CD99L2: variants seen among roughly 807,000 people sequenced by gnomAD.
CD99L2 encodes the protein CD99 molecule like 2.
In CD99L2, 24 loss-of-function variants were observed where a neutral mutation model predicts 27.3. That is an observed-to-expected ratio of 0.88 (90% confidence interval 0.64 to 1.24). The LOEUF is 1.24. Among genes scored for constraint, CD99L2 ranks in the 50% most tolerant of loss-of-function variants. The pLI is 0.00. For synonymous variants in CD99L2, 97 were observed against 87.9 expected (o/e 1.10, Z -0.58); for missense variants, 255 against 221.6 (o/e 1.15, Z -0.96).
chrX:150,769,683 CACCAGG>C (rs1321942533), intron 10 of CD99L2, among the ~76,000 whole-genome samples: 1 of 86,449 alleles, frequency 1.2e-5, no homozygotes, highest in Non-Finnish European at 1.9e-5. Flanking sequence ...CTGCCTGCGC[CACCAGG>C]CCTCGGCTGC....
At chrX:150,887,298 T>C (rs1461165692) in intron 1 of CD99L2, among the ~76,000 whole-genome samples, 3 of 108,043 alleles carry the variant, frequency 2.8e-5, no homozygotes, top group African/African-American at 1.0e-4. Context: ...ATACAAAAAT[T>C]AGCCAGGCAT....
chrX:150,897,206 C>G (rs139821266), intron 1 of CD99L2, among the ~76,000 whole-genome samples: 119 of 112,550 alleles, frequency 1.1e-3, no homozygotes, highest in Non-Finnish European at 1.9e-3. Flanking sequence ...CTCTTTACCC[C>G]TGTAACTTCC....
chrX:150,846,831 A>G (rs1170070879), intron 1 of CD99L2, among the ~76,000 whole-genome samples: 1 of 112,122 alleles, frequency 8.9e-6, no homozygotes, highest in Admixed American at 9.4e-5. Flanking sequence ...GGCCACCCCA[A>G]ATCAGTCTGT....
At chrX:150,864,530 T>A (rs782432562) in intron 1 of CD99L2, among the ~76,000 whole-genome samples, 1 of 112,169 alleles carries the variant, frequency 8.9e-6, no homozygotes, top group South Asian at 3.7e-4. Flanking sequence ...GTGTGCCCCA[T>A]GATGTGATAT....
At chrX:150,785,034 C>A (rs901335160) in intron 7 of CD99L2, among the ~76,000 whole-genome samples, 16 of 110,872 alleles carry the variant, frequency 1.4e-4, no homozygotes, top group African/African-American at 5.3e-4. Context: ...TTGAGGATGA[C>A]TGGGAATTTA....
At chrX:150,833,045 ACT>A (rs1380670484) in intron 1 of CD99L2, among the ~76,000 whole-genome samples, 2 of 97,201 alleles carry the variant, frequency 2.1e-5, no homozygotes, top group Non-Finnish European at 4.1e-5. Flanking sequence ...ACAGAGCGAG[ACT>A]CTGTCTCAAA....
chrX:150,792,907 A>G (rs2045716266), intron 7 of CD99L2, among the ~76,000 whole-genome samples: 1 of 112,219 alleles, frequency 8.9e-6, no homozygotes, highest in African/African-American at 3.2e-5. Context: ...AGTTTGGGGA[A>G]TTAACACTAT....
At chrX:150,784,086 G>A (rs1410660082) in intron 7 of CD99L2, among the ~76,000 whole-genome samples, 2 of 111,187 alleles carry the variant, frequency 1.8e-5, no homozygotes, top group African/African-American at 3.3e-5. Context: ...GGATCCTTAA[G>A]GAGCACAGAA....
At chrX:150,770,571 T>A in intron 9 of CD99L2, among the ~76,000 whole-genome samples, 1 of 112,388 alleles carries the variant, frequency 8.9e-6, no homozygotes, top group South Asian at 3.7e-4. Flanking sequence ...GCCCAGGAGT[T>A]CTCATCATCG....
chrX:150,824,132 A>T, intron 2 of CD99L2, among the ~76,000 whole-genome samples: 1 of 69,517 alleles, frequency 1.4e-5, no homozygotes, highest in Non-Finnish European at 2.6e-5. Flanking sequence ...AAGGAGGAGG[A>T]GGAGGAGGAG....
chrX:150,797,901 C>T (rs7056359), intron 4 of CD99L2, among the ~76,000 whole-genome samples: 23 of 106,106 alleles, frequency 2.2e-4, no homozygotes, highest in African/African-American at 7.9e-4. Context: ...AAAAATTAGC[C>T]AGGTGTGGTG....
At chrX:150,837,873 C>CA (rs1268409534) in intron 1 of CD99L2, among the ~76,000 whole-genome samples, 1 of 112,023 alleles carries the variant, frequency 8.9e-6, no homozygotes, top group Non-Finnish European at 1.9e-5. Context: ...CACAATTCAC[C>CA]ACTCCCTACG....
Position 150,776,296 on chromosome X carries a change from G to C in CD99L2, c.536-3C>G, listed in dbSNP as rs782818093. ...GGTGCCAGGCTCTGCCACCATGCCT[G>C]CGTGAAGAAGGGGGAGAAATGAGGA... On this transcript the variant is annotated splice_polypyrimidine_tract_variant and splice_region_variant and intron_variant, in intron 8 of 10. Transcript: ENST00000370377. 8.3e-7 allele frequency: 1 copy of C among 1,200,013 alleles called. No homozygotes were observed. The highest frequency in any genetic ancestry group is 1.1e-6 in the Non-Finnish European group (1 of 890,070).
intron 1 of CD99L2, among the ~76,000 whole-genome samples, chrX:150,868,520 C>T (rs2047106736): frequency 8.9e-6 from 1 of 111,976 alleles, no homozygotes; most frequent in African/African-American, 3.2e-5. Context: ...AGACTCTTGT[C>T]ACACACATAC....
Position 150,766,442 on chromosome X carries a change from A to C in CD99L2, c.*2592T>G, listed in dbSNP as rs782041604. On this transcript the variant is annotated 3_prime_UTR_variant, in exon 11 of 11. Coordinates refer to ENST00000370377, the MANE Select transcript of CD99L2 (RefSeq NM_031462.4). ...CAGGGAATTCTGGAATTTTGAGATCAGTCCCCATTTCTTCCTCAGGGCCCT... is the reference window on the plus strand; with the variant it reads ...CAGGGAATTCTGGAATTTTGAGATCCGTCCCCATTTCTTCCTCAGGGCCCT... 7 of 111,010 alleles carry C rather than the reference A, an allele frequency of 6.3e-5. No homozygotes were observed. The Admixed American group carries it at 6.7e-4, about 11-fold the overall frequency. 9.1% of individuals were successfully genotyped at this position (111,010 alleles called of 1,213,427 possible). A position where few individuals can be genotyped will look rare whatever the true frequency, so the allele number is the denominator to read the frequency against.
At chrX:150,834,674 C>T (rs1001951468) in intron 1 of CD99L2, among the ~76,000 whole-genome samples, 16 of 111,311 alleles carry the variant, frequency 1.4e-4, no homozygotes, top group Middle Eastern at 4.6e-3. Context: ...TATGGAGGTT[C>T]CTCAAAAAAA....
At chrX:150,821,904 C>T (rs2046248187) in intron 2 of CD99L2, among the ~76,000 whole-genome samples, 1 of 111,369 alleles carries the variant, frequency 9.0e-6, no homozygotes, top group South Asian at 3.8e-4. Context: ...AAATTGGAAC[C>T]CTCATACATT....
At chrX:150,771,595 C>T in intron 9 of CD99L2, among the ~76,000 whole-genome samples, 1 of 112,213 alleles carries the variant, frequency 8.9e-6, no homozygotes, top group East Asian at 2.8e-4. Context: ...CCCACCCCTG[C>T]CACATCCAGC....
chrX:150,816,591 C>G (rs948007299), intron 2 of CD99L2: 1 of 118,029 alleles, frequency 8.5e-6, no homozygotes, highest in African/African-American at 3.2e-5. Flanking sequence ...ACTTTTACAC[C>G]ATTGGTGGGA....
Sources: allele counts gnomAD v4.1 joint callset (sites outside exome capture counted in the v4.1 genomes callset), GRCh38; gene constraint gnomAD v4.1.1; transcripts MANE v1.5; gene names NCBI Gene and HGNC (gene_info 2026-07-23, HGNC 2026-07-21).